The following THOC7 variants were observed in gnomAD, a reference collection of about 807,000 sequenced individuals.
THOC7 encodes the protein NIF3L1-binding protein 1.
A neutral mutation model predicts 33.1 loss-of-function variants in THOC7; 22 were observed. The observed-to-expected ratio is 0.66, with a 90% CI of 0.47 to 0.95. The LOEUF (loss-of-function observed/expected upper bound fraction) is 0.95, where lower values mean the gene tolerates loss of function less well. THOC7 is among the 40% of genes least tolerant of loss of function. The pLI is 0.00. For missense variants in THOC7, 184 were observed against 245.3 expected (o/e 0.75, Z 1.67); for synonymous variants, 77 against 76.8 (o/e 1.00, Z -0.01).
At chr3:63,834,705 A>G (rs1276955947) in intron 7 of THOC7, among the ~76,000 whole-genome samples, 1 of 152,046 alleles carries the variant, frequency 6.6e-6, no homozygotes, top group East Asian at 1.9e-4. Flanking sequence ...CTATTCTTTA[A>G]AACAATCAGA....
At chr3:63,842,558 T>C (rs554681000) in intron 1 of THOC7, among the ~76,000 whole-genome samples, 1 of 152,290 alleles carries the variant, frequency 6.6e-6, no homozygotes, top group East Asian at 1.9e-4. Flanking sequence ...GCAACCTGGA[T>C]GGAGCTGGAG....
Position 63,838,506 on chromosome 3 carries a change from A to G in THOC7, c.138-7T>C. ...ACGTTGGTACTGGCTATATCTAATG[A>G]AAAAGAAAGAAAACCAAAATAAAGA... On this transcript the variant is annotated splice_polypyrimidine_tract_variant and splice_region_variant and intron_variant, in intron 2 of 7. Coordinates refer to ENST00000295899, the MANE Select transcript of THOC7 (RefSeq NM_025075.4). 6 of 1,579,088 alleles carry G rather than the reference A, an allele frequency of 3.8e-6. No individual in the cohort carries two copies. Among genetic ancestry groups the G allele is most frequent in the Non-Finnish European group, 5.1e-6 (6 of 1,170,728 alleles).
rs773259429 is a variant in THOC7, at chr3:63,835,372, T to G, written c.429A>C (p.Gly143=). 2 of 1,613,460 alleles carry G rather than the reference T, an allele frequency of 1.2e-6. No homozygotes were observed. Among genetic ancestry groups the G allele is most frequent in the Non-Finnish European group, 8.5e-7 (1 of 1,179,738 alleles). The part of the protein sequence containing the change: ...HETLKELEAL[G]KELEHLSHIK... ...TGTGTGAAAGATGCTCTAATTCTTT[T>G]CCCAGAGCCTCTAGTTCCCTGGAAA... The change falls in exon 6 of 8, where the codon GGA becomes GGC. Residue 143 remains glycine, a synonymous_variant. Transcript: ENST00000295899.
chr3:63,855,842 C>T (rs1702106222), intron 1 of THOC7, among the ~76,000 whole-genome samples: 1 of 152,142 alleles, frequency 6.6e-6, no homozygotes, highest in African/African-American at 2.4e-5. Flanking sequence ...TTTCTAAATG[C>T]AGTTTGGCAA....
upstream of THOC7, among the ~76,000 whole-genome samples, chr3:63,864,134 C>T (rs542950586): frequency 4.3e-3 from 643 of 149,172 alleles, 4 homozygotes; most frequent in African/African-American, 0.015. Flanking sequence ...CAGAGGCCGC[C>T]CCGGAGGCCG....
At chr3:63,863,339 C>T in intron 1 of THOC7, 2 of 666,126 alleles carry the variant, frequency 3.0e-6, no homozygotes, top group Non-Finnish European at 3.7e-6. Context: ...TCCAGGCCCC[C>T]AGCCCTAAGC....
At chr3:63,844,971 A>G in intron 1 of THOC7, 1 of 656,406 alleles carries the variant, frequency 1.5e-6, no homozygotes, top group Non-Finnish European at 2.8e-6. Context: ...CTAGAATCAT[A>G]AATAAAGACA....
chr3:63,859,500 G>A (rs1392726893), intron 1 of THOC7, among the ~76,000 whole-genome samples: 3 of 152,190 alleles, frequency 2.0e-5, no homozygotes, highest in African/African-American at 7.2e-5. Flanking sequence ...ACTAGTTGTT[G>A]TCTCTATCTG....
rs903152885 is a variant in THOC7 at position 63,838,437 on chromosome 3, G to C, written c.200C>G (p.Thr67Ser). 1.9e-6 allele frequency: 3 copies of C among 1,608,580 alleles called. No homozygotes were observed. The highest frequency in any genetic ancestry group is 3.3e-4 in the Middle Eastern group (2 of 6,038). Residue 67 changes from threonine to serine, a missense_variant, in exon 3 of 8, where the codon ACT becomes AGT. This residue lies in a region of THOC7 where 157 missense variants were observed against 201.3 expected (regional missense o/e 0.78). Coordinates refer to ENST00000295899, the MANE Select transcript of THOC7 (RefSeq NM_025075.4). Reference sequence around the variant, plus strand: ...GAGATTCATATCATATACTAGTAAAGTTTTGCCCATTGAAAATTCACATTG... The same window carrying C: ...GAGATTCATATCATATACTAGTAAACTTTTGCCCATTGAAAATTCACATTG... ...LSQCEFSMGK[T>S]LLVYDMNLRE...
At chr3:63,845,002 T>A (rs1169907885) in intron 1 of THOC7, 11 of 691,196 alleles carry the variant, frequency 1.6e-5, no homozygotes, top group Non-Finnish European at 2.4e-5. Flanking sequence ...TTACATTTGT[T>A]GTAATTTTGT....
In THOC7 at chr3:63,834,197, C is replaced by T. The variant is rs376962986; in HGVS notation, c.550G>A (p.Asp184Asn). 38 of 1,613,814 alleles carry T rather than the reference C, an allele frequency of 2.4e-5. No individual in the cohort carries two copies. The highest frequency in any genetic ancestry group is 3.0e-5 in the Non-Finnish European group (35 of 1,179,990). Reference sequence around the variant, plus strand: ...TCTTCTACCTCTGAGAGTTTTTCATCATCTGTAATTGAGAAGGAAACATAA... The same window carrying T: ...TCTTCTACCTCTGAGAGTTTTTCATTATCTGTAATTGAGAAGGAAACATAA... ...IHELQQTLEN[D>N]EKLSEVEEAQ... The change falls in exon 8 of 8, where the codon GAT becomes AAT. Residue 184 changes from aspartate to asparagine, a missense_variant and splice_region_variant. Around this residue, in one of 3 missense-constraint regions of THOC7, gnomAD observed 25 missense variants for 26.5 expected, o/e 0.94. Coordinates refer to ENST00000295899, the MANE Select transcript of THOC7 (RefSeq NM_025075.4).
intron 1 of THOC7, among the ~76,000 whole-genome samples, chr3:63,840,633 A>G (rs1484504835): frequency 1.3e-5 from 2 of 152,200 alleles, no homozygotes. Flanking sequence ...ACAGATGACA[A>G]TGATGGCCAA....
chr3:63,854,100 T>C (rs1378158413), intron 1 of THOC7, among the ~76,000 whole-genome samples: 1 of 152,210 alleles, frequency 6.6e-6, no homozygotes, highest in East Asian at 1.9e-4. Context: ...ATGGCGTTTC[T>C]AGCTGAAATT....
chr3:63,858,404 A>AAAACC (rs1180604238), intron 1 of THOC7, among the ~76,000 whole-genome samples: 2 of 152,180 alleles, frequency 1.3e-5, no homozygotes, highest in Non-Finnish European at 2.9e-5. Flanking sequence ...AGGCATATTA[A>AAAACC]AAACCATTAT....
intron 1 of THOC7, among the ~76,000 whole-genome samples, chr3:63,858,890 G>A (rs1427325090): frequency 6.6e-6 from 1 of 152,154 alleles, no homozygotes; most frequent in Non-Finnish European, 1.5e-5. Context: ...CTACTCTAAA[G>A]CAGGGCAGTT....
In THOC7 at chr3:63,836,359, C is replaced by G; in HGVS notation, c.353-1G>C. The G allele has an allele frequency of 6.2e-7, 1 of 1,611,672 alleles. No homozygotes were observed. On this transcript the variant is annotated splice_acceptor_variant, in intron 4 of 7. Transcript: ENST00000295899. LOFTEE classifies it high-confidence loss of function. ...ATCACTTTTGCCAAAGCATCATATT[C>G]TGTAAGACATAAAAATATTTATCAA... is the stretch of plus-strand genomic sequence containing the variant.
intron 1 of THOC7, among the ~76,000 whole-genome samples, chr3:63,858,473 C>T (rs565444069): frequency 6.6e-6 from 1 of 152,048 alleles, no homozygotes; most frequent in South Asian, 2.1e-4. Flanking sequence ...AAAAAAAAAG[C>T]TACCGTCAAA....
chr3:63,841,765 G>C (rs1701766155), intron 1 of THOC7, among the ~76,000 whole-genome samples: 1 of 152,126 alleles, frequency 6.6e-6, no homozygotes, highest in Non-Finnish European at 1.5e-5. Flanking sequence ...CATAGTCCTT[G>C]AAGAGATTAA....
intron 4 of THOC7, among the ~76,000 whole-genome samples, chr3:63,837,023 A>G (rs192360517): frequency 2.2e-4 from 33 of 152,070 alleles, no homozygotes; most frequent in Admixed American, 2.0e-3. Context: ...AGGCACCAAA[A>G]CTTCACCATA....
Sources: gnomAD v4.1 joint callset for allele counts (sites outside exome capture counted in the v4.1 genomes callset) on GRCh38, gnomAD v4.1.1 for gene constraint, gnomAD v4.1.1 regional missense constraint, MANE v1.5 for transcripts, NCBI Gene and HGNC (gene_info 2026-07-23, HGNC 2026-07-21) for gene names.